HEPH: variants seen among roughly 807,000 people sequenced by gnomAD.
The protein encoded by HEPH is hephaestin.
Under a neutral mutation model 80.8 loss-of-function variants are expected in HEPH, and 69 were observed. The observed-to-expected ratio is 0.85, with a 90% CI of 0.70 to 1.04. HEPH has a LOEUF of 1.04. Among genes scored for constraint, HEPH ranks in the 50% least tolerant of loss-of-function variants. HEPH has a pLI of 0.00. For missense variants in HEPH, 1,115 were observed against 891.3 expected (o/e 1.25, Z -3.20); for synonymous variants, 431 against 322.8 (o/e 1.34, Z -3.60).
Position 66,192,278 on chromosome X carries a change from G to T in HEPH, c.1212G>T (p.Lys404Asn), listed in dbSNP as rs1031868606. The T allele has an allele frequency of 5.0e-6, 6 of 1,209,147 alleles. No individual in the cohort carries two copies. In the Middle Eastern group the frequency reaches 1.4e-3, roughly 280 times the overall value. The change falls in exon 7 of 21, where the codon AAG becomes AAT. Residue 404 changes from lysine (K) to asparagine (N), a missense_variant. Transcript: ENST00000343002. ...TGGGGCATGATGGGAGTACTGGGAA[G>T]AATTTGAGAGAGCCAGGCAGGTAAG... ...GPMGHDGSTGKNLREPGSISD... is the reference protein window; with the variant it reads ...GPMGHDGSTGNNLREPGSISD...
chrX:66,240,341 C>T (rs2090521606), intron 15 of HEPH, among the ~76,000 whole-genome samples: 1 of 110,727 alleles, frequency 9.0e-6, no homozygotes, highest in Non-Finnish European at 1.9e-5. Flanking sequence ...AATATATCAT[C>T]CAGGATCTGT....
At chrX:66,195,687 A>G (rs923802126) in intron 9 of HEPH, among the ~76,000 whole-genome samples, 3 of 111,470 alleles carry the variant, frequency 2.7e-5, no homozygotes, top group African/African-American at 9.8e-5. Context: ...TAATGACTAT[A>G]AAACACTTTA....
At chrX:66,169,677 A>G (rs2086505434) in intron 1 of HEPH, among the ~76,000 whole-genome samples, 1 of 112,399 alleles carries the variant, frequency 8.9e-6, no homozygotes, top group African/African-American at 3.2e-5. Flanking sequence ...AGTATAATAC[A>G]CATAAAGTGC....
chrX:66,171,258 A>G (rs769329787), intron 2 of HEPH: 91 of 219,735 alleles, frequency 4.1e-4, no homozygotes, highest in Non-Finnish European at 6.4e-4. Flanking sequence ...CTCTCACAAA[A>G]ACTCTAGAAG....
Position 66,266,976 on chromosome X carries a change from T to G in HEPH, c.*304T>G, listed in dbSNP as rs1351149971. On this transcript the variant is annotated 3_prime_UTR_variant, in exon 21 of 21. Coordinates refer to ENST00000343002, the MANE Select transcript of HEPH (RefSeq NM_001367233.3). ...CTGACACTTGGAAGGTATTGAAATT[T>G]CTAGAAATGTATCCTTCTCACAAAG... 8.6e-6 allele frequency: 2 copies of G among 231,407 alleles called. No individual in the cohort carries two copies. The highest frequency in any genetic ancestry group is 1.3e-4 in the South Asian group (1 of 7,939). The allele number at this position is 231,407 out of a possible 1,213,427, so 19.1% of individuals were successfully genotyped here.
chrX:66,189,670 G>T lies in HEPH; in HGVS notation c.809-14G>T. ...TTCCTAATCCTGATATTTTCTTTGG[G>T]TTTTCTTTTGCAGCAATCAATGGCT... On this transcript the variant is annotated splice_polypyrimidine_tract_variant and intron_variant, in intron 5 of 20. Transcript: ENST00000343002. 3.3e-6 allele frequency: 4 copies of T among 1,201,384 alleles called. No individual in the cohort carries two copies. The highest frequency in any genetic ancestry group is 4.5e-6 in the Non-Finnish European group (4 of 888,247).
chrX:66,193,653 A>T lies in HEPH; in HGVS notation c.1369+15A>T. ...TGGAATCCTGGGTGAGGAATTTTTA[A>T]ATTATGAAATTCATTTACTAGAGCC... is the stretch of plus-strand genomic sequence containing the variant. On this transcript the variant is annotated intron_variant, in intron 8 of 20. Transcript: ENST00000343002. 2.6e-6 allele frequency: 3 copies of T among 1,157,903 alleles called. No homozygotes were observed. The highest frequency in any genetic ancestry group is 2.3e-6 in the Non-Finnish European group (2 of 859,648).
chrX:66,223,093 A>T (rs2089721714), intron 15 of HEPH, among the ~76,000 whole-genome samples: 1 of 110,818 alleles, frequency 9.0e-6, no homozygotes, highest in East Asian at 2.8e-4. Context: ...GGTCCTTCCT[A>T]GGCTGGCTAG....
chrX:66,239,096 A>T (rs1034170231), intron 15 of HEPH, among the ~76,000 whole-genome samples: 3 of 112,282 alleles, frequency 2.7e-5, no homozygotes, highest in African/African-American at 9.7e-5. Flanking sequence ...AGTGCTGCAG[A>T]TATTTTGTTT....
At chrX:66,226,964 A>G (rs1208851115) in intron 15 of HEPH, among the ~76,000 whole-genome samples, 1 of 111,517 alleles carries the variant, frequency 9.0e-6, no homozygotes, top group Non-Finnish European at 1.9e-5. Flanking sequence ...TACCAAAACC[A>G]GGAAAGGACA....
In HEPH at chrX:66,192,141, G is replaced by A. The variant is rs1419268563; in HGVS notation, c.1075G>A (p.Ala359Thr). Residue 359 changes from alanine to threonine, a missense_variant, in exon 7 of 21, where the codon GCA (alanine) becomes ACA (threonine). Ala to Thr is a moderately conservative substitution (Grantham distance 58). This residue lies in a region of HEPH where 391 missense variants were observed against 343.6 expected (regional missense o/e 1.14). Transcript: ENST00000343002. ...TGTTCTTCCTTCAGATGGCATGCAG[G>A]CACTCTACAAGGTCAAGTCTTGCTC... ...VNSHFRDGMQALYKVKSCSMA... is the reference protein window; with the variant it reads ...VNSHFRDGMQTLYKVKSCSMA... 1 of 1,205,913 alleles carries A rather than the reference G, an allele frequency of 8.3e-7. No homozygotes were observed. The highest frequency in any genetic ancestry group is 1.8e-5 in the South Asian group (1 of 56,223).
intron 20 of HEPH, 40 bp from the exon 21 acceptor site, chrX:66,266,400 C>T (rs1463995598): frequency 9.4e-7 from 1 of 1,066,152 alleles, no homozygotes. Flanking sequence ...TTAGAGTACT[C>T]CCCATCCCAG....
chrX:66,207,297 G>A lies in HEPH; in HGVS notation c.2394G>A (p.Arg798=), dbSNP rs777713000. The A allele has an allele frequency of 1.7e-6, 2 of 1,200,588 alleles. No individual in the cohort carries two copies. The highest frequency in any genetic ancestry group is 3.0e-5 in the East Asian group (1 of 33,621). Residue 798 remains arginine, a synonymous_variant, in exon 14 of 21, where the codon CGG becomes CGA. Transcript: ENST00000343002. ...CTGATGGTACATTCAGGATCCCTCG[G>A]CCAAGGACTGGACCAGAAGAACACT... ...EYTDGTFRIP[R]PRTGPEEHLG... is the part of the protein sequence containing the mutation.
At position 66,164,455 on chromosome X, in the gene HEPH, G is replaced by A. The variant is rs758916826; in HGVS notation, c.-29G>A. 1.3e-6 allele frequency: 1 copy of A among 752,320 alleles called. No homozygotes were observed. The highest frequency in any genetic ancestry group is 1.5e-4 in the East Asian group (1 of 6,600). The allele number at this position is 752,320 out of a possible 1,213,427, so 62.0% of individuals were successfully genotyped here. On this transcript the variant is annotated 5_prime_UTR_variant, in exon 1 of 21. An upstream open reading frame in the 5' UTR loses its in-frame stop. Transcript: ENST00000343002. The stretch of plus-strand genomic sequence containing the variant: ...GGGCCGCTGACATGAATATGGAGTA[G>A]TTTTCTCTAGCAAAGGTAAGCTTTC...
chrX:66,249,949 T>G (rs1307675805), intron 15 of HEPH, among the ~76,000 whole-genome samples: 1 of 111,031 alleles, frequency 9.0e-6, no homozygotes, highest in Non-Finnish European at 1.9e-5. Flanking sequence ...CAAGAAGACA[T>G]GAGAGTGCAG....
rs1415795768 is a variant in HEPH, at chrX:66,217,051, A to G, written c.2563+8805A>G. 2.7e-5 allele frequency among the ~76,000 whole-genome samples: 3 copies of G among 111,016 alleles called. No individual in the cohort carries two copies. In the Admixed American group the frequency reaches 2.9e-4, roughly 11 times the overall value. ...GGGATTATGTTAAATGACCAAACCT[A>G]AGAATAATTGGTGTTCGGGAGGAAG... On this transcript the variant is annotated intron_variant, in intron 15 of 20. Coordinates refer to ENST00000343002, the MANE Select transcript of HEPH (RefSeq NM_001367233.3).
intron 17 of HEPH, 98 bp from the exon 18 acceptor site, chrX:66,258,742 A>G (rs1378434966): frequency 1.5e-6 from 1 of 671,361 alleles, no homozygotes; most frequent in Non-Finnish European, 2.1e-6. Context: ...ATCTTCGGTA[A>G]AAAAGATTAG....
intron 15 of HEPH, among the ~76,000 whole-genome samples, chrX:66,235,545 C>A (rs1321308979): frequency 9.0e-6 from 1 of 110,920 alleles, no homozygotes; most frequent in Non-Finnish European, 1.9e-5. Flanking sequence ...GGCTCATTAT[C>A]CTGTTATATT....
At chrX:66,268,797 A>G (rs186100220), downstream of HEPH, 11 of 112,121 alleles carry the variant, frequency 9.8e-5, no homozygotes, top group East Asian at 2.3e-3. Flanking sequence ...ACAAGTATCT[A>G]TTTTTGACAA....
Sources: allele counts gnomAD v4.1 joint callset (sites outside exome capture counted in the v4.1 genomes callset), GRCh38; gene constraint gnomAD v4.1.1; regional missense constraint gnomAD v4.1.1; transcripts MANE v1.5; gene names NCBI Gene and HGNC (gene_info 2026-07-23, HGNC 2026-07-21).